The following IGF2R variants were observed in gnomAD, a reference collection of about 807,000 sequenced individuals.
IGF2R encodes cation-independent mannose-6-phosphate receptor.
A neutral mutation model predicts 270.6 loss-of-function variants in IGF2R; 91 were observed. The ratio of observed to expected loss-of-function variants is 0.34; its 90% CI spans 0.28 to 0.40. The LOEUF (loss-of-function observed/expected upper bound fraction) is 0.40. Among genes scored for constraint, IGF2R ranks in the 10% least tolerant of loss-of-function variants. The pLI is 1.00. For synonymous variants in IGF2R, 1,316 were observed against 1,258.9 expected (o/e 1.05, Z -0.96); for missense variants, 2,805 against 3,188.3 (o/e 0.88, Z 2.90).
At chr6:160,074,354 GCAAA>G (rs1778812756) in intron 35 of IGF2R, among the ~76,000 whole-genome samples, 1 of 152,242 alleles carries the variant, frequency 6.6e-6, no homozygotes, top group Admixed American at 6.5e-5. Flanking sequence ...CTTGCGAAAT[GCAAA>G]CAGTTTCTTT....
At chr6:160,086,437 T>C (rs1562373909) in intron 41 of IGF2R, among the ~76,000 whole-genome samples, 1 of 152,170 alleles carries the variant, frequency 6.6e-6, no homozygotes. Flanking sequence ...AGGTAGACTT[T>C]TTGTTTTCAG....
intron 1 of IGF2R, among the ~76,000 whole-genome samples, chr6:159,980,213 A>AAAAGAGAGAGAGAG (rs1562330528): frequency 1.9e-5 from 2 of 108,078 alleles, no homozygotes; most frequent in Non-Finnish European, 3.8e-5. Flanking sequence ...GAAAGAAAGA[A>AAAAGAGAGAGAGAG]AGAAAGAAAG....
chr6:160,010,678 T>G lies in IGF2R; in HGVS notation c.415-9T>G, dbSNP rs1317148455. 1 of 1,517,240 alleles carries G rather than the reference T, an allele frequency of 6.6e-7. No homozygotes were observed. The highest frequency in any genetic ancestry group is 1.7e-5 in the Admixed American group (1 of 59,658). 94.0% of individuals were successfully genotyped at this position (1,517,240 alleles called of 1,614,324 possible). A position where few individuals can be genotyped will look rare whatever the true frequency, so the allele number is the denominator to read the frequency against. ...TGGTAACATTATAATTACTATTTTT[T>G]TTTAATAGGGAACTCCTGAATTTGT... On this transcript the variant is annotated splice_polypyrimidine_tract_variant and intron_variant, in intron 3 of 47. Transcript: ENST00000356956.
At chr6:160,052,461 A>G (rs961524699) in intron 19 of IGF2R, among the ~76,000 whole-genome samples, 1 of 152,232 alleles carries the variant, frequency 6.6e-6, no homozygotes, top group Non-Finnish European at 1.5e-5. Flanking sequence ...AGAATATTCC[A>G]TGCTCATGGA....
Position 160,063,605 on chromosome 6 carries a change from A to G in IGF2R, c.3861A>G (p.Glu1287=). 1 of 1,614,150 alleles carries G rather than the reference A, an allele frequency of 6.2e-7. No individual in the cohort carries two copies. The highest frequency in any genetic ancestry group is 8.5e-7 in the Non-Finnish European group (1 of 1,179,986). The part of the protein sequence containing the change: ...KVVSSCQEKR[E]PQGFHKVAGL... Reference sequence around the variant, plus strand: ...TCTCCTCATGTCAGGAAAAGCGGGAACCGCAGGGATTTCACAAAGTGGCAG... The same window carrying G: ...TCTCCTCATGTCAGGAAAAGCGGGAGCCGCAGGGATTTCACAAAGTGGCAG... The change falls in exon 27 of 48, where the codon GAA becomes GAG. Residue 1287 remains glutamate, a synonymous_variant. Coordinates refer to ENST00000356956, the MANE Select transcript of IGF2R (RefSeq NM_000876.4).
chr6:160,046,874 G>T (rs778802244), intron 15 of IGF2R, among the ~76,000 whole-genome samples: 1 of 152,180 alleles, frequency 6.6e-6, no homozygotes, highest in African/African-American at 2.4e-5. Flanking sequence ...TCACTATTGC[G>T]CATTTTGTGC....
chr6:160,065,814 G>GTATATA (rs59035193), intron 29 of IGF2R, among the ~76,000 whole-genome samples: 103 of 78,362 alleles, frequency 1.3e-3, no homozygotes, highest in Middle Eastern at 6.2e-3. Flanking sequence ...GTGTGTGTGT[G>GTATATA]TATATATATA....
intron 45 of IGF2R, among the ~76,000 whole-genome samples, chr6:160,099,369 A>ATGTTG (rs1779432213): frequency 6.6e-6 from 1 of 151,496 alleles, no homozygotes; most frequent in South Asian, 2.1e-4. Context: ...ATGTTATGTT[A>ATGTTG]TGTTATGTTA....
chr6:160,021,603 AT>A (rs1487659410), intron 4 of IGF2R, among the ~76,000 whole-genome samples: 1 of 151,760 alleles, frequency 6.6e-6, no homozygotes, highest in Non-Finnish European at 1.5e-5. Context: ...TAATAATAAA[AT>A]TAAAAAAAAA....
At position 160,104,810 on chromosome 6, in the gene IGF2R, C is replaced by T. The variant is rs1224005358; in HGVS notation, c.7202C>T (p.Ser2401Phe). ...ITTKSVKALSSLHGDDQDSED... is the reference protein window; with the variant it reads ...ITTKSVKALSFLHGDDQDSED... ...ACCAAGTCAGTGAAAGCCCTCAGCT[C>T]CCTGCATGGGGATGACCAGGACAGT... Residue 2401 changes from serine (S) to phenylalanine (F), a missense_variant, in exon 48 of 48, where the codon TCC becomes TTC. By Grantham distance (155) the Ser-to-Phe change is radical. Around this residue, in one of 2 missense-constraint regions of IGF2R, gnomAD observed 1,851 missense variants for 2,207.2 expected, o/e 0.84. Transcript: ENST00000356956. 6.2e-7 allele frequency: 1 copy of T among 1,614,160 alleles called. No individual in the cohort carries two copies. The highest frequency in any genetic ancestry group is 2.2e-5 in the East Asian group (1 of 44,876).
intron 4 of IGF2R, among the ~76,000 whole-genome samples, chr6:160,021,357 A>G (rs1481269114): frequency 6.8e-6 from 1 of 147,698 alleles, no homozygotes; most frequent in African/African-American, 2.5e-5. Context: ...AAAACCAAAC[A>G]TCGTATGTTC....
Position 160,096,584 on chromosome 6 carries a change from G to C in IGF2R, c.6801G>C (p.Gln2267His). ...TCAGTCACGAGACTGCCGACTGCCA[G>C]TACCTCTTCTCTTGGTACACCTCAG... ...PEFSHETADCQYLFSWYTSAV... is the reference protein window; with the variant it reads ...PEFSHETADCHYLFSWYTSAV... The change falls in exon 45 of 48, where the codon CAG becomes CAC. Residue 2267 changes from glutamine (Q) to histidine (H), a missense_variant. Physicochemically the swap from Gln to His is conservative, Grantham distance 24. Transcript: ENST00000356956. 6.2e-7 allele frequency: 1 copy of C among 1,614,148 alleles called. No homozygotes were observed. The highest frequency in any genetic ancestry group is 8.5e-7 in the Non-Finnish European group (1 of 1,180,004).
intron 2 of IGF2R, chr6:160,004,000 G>A (rs1288842483): frequency 1.3e-5 from 2 of 152,174 alleles, no homozygotes; most frequent in African/African-American, 4.8e-5. Context: ...GCCAAGGAGT[G>A]TGTTGGTGGT....
At position 160,105,417 on chromosome 6, in the gene IGF2R, G is replaced by A. The variant is rs553705731; in HGVS notation, c.*333G>A. 12 of 225,044 alleles carry A rather than the reference G, an allele frequency of 5.3e-5. No homozygotes were observed. Among genetic ancestry groups the A allele is most frequent in the Non-Finnish European group, 1.0e-4 (12 of 114,690 alleles). The allele number at this position is 225,044 out of a possible 1,614,324, so 13.9% of individuals were successfully genotyped here. A position where few individuals can be genotyped will look rare whatever the true frequency, so the allele number is the denominator to read the frequency against. ...AAGAAACCCTTGCTGCTTTAGTCCC[G>A]ATAGGGTATTTGACCCCGATATATT... On this transcript the variant is annotated 3_prime_UTR_variant, in exon 48 of 48. Coordinates refer to ENST00000356956, the MANE Select transcript of IGF2R (RefSeq NM_000876.4).
chr6:160,056,594 C>T (rs1778322727), intron 20 of IGF2R, 69 bp downstream of exon 20: 1 of 1,050,758 alleles, frequency 9.5e-7, no homozygotes, highest in African/African-American at 1.6e-5. Flanking sequence ...CCCCAGTGTT[C>T]CAGCTCTGAA....
intron 35 of IGF2R, among the ~76,000 whole-genome samples, chr6:160,075,226 T>C (rs568345549): frequency 1.3e-5 from 2 of 152,348 alleles, no homozygotes; most frequent in African/African-American, 4.8e-5. Flanking sequence ...TTTTTTCTCA[T>C]AATACTCAGA....
At chr6:159,979,916 G>A (rs548729969) in intron 1 of IGF2R, among the ~76,000 whole-genome samples, 1 of 152,366 alleles carries the variant, frequency 6.6e-6, no homozygotes, top group South Asian at 2.1e-4. Flanking sequence ...ACATGGGCCG[G>A]TGCTGTGGCT....
intron 10 of IGF2R, among the ~76,000 whole-genome samples, chr6:160,036,465 G>C (rs550039988): frequency 6.6e-6 from 1 of 152,198 alleles, no homozygotes; most frequent in South Asian, 2.1e-4. Context: ...CCTGGACTCC[G>C]GCTGGCTCAG....
intron 1 of IGF2R, among the ~76,000 whole-genome samples, chr6:159,972,828 C>T (rs9365118): frequency 0.076 from 11,620 of 152,280 alleles, 491 homozygotes; most frequent in South Asian, 0.099. Flanking sequence ...ACAGCAGGCA[C>T]GACAAAGGCT....
Sources: gnomAD v4.1 joint callset for allele counts (sites outside exome capture counted in the v4.1 genomes callset) on GRCh38, gnomAD v4.1.1 for gene constraint, gnomAD v4.1.1 regional missense constraint, MANE v1.5 for transcripts, NCBI Gene and HGNC (gene_info 2026-07-23, HGNC 2026-07-21) for gene names.